COL5A2: variants seen among roughly 807,000 people sequenced by gnomAD.
COL5A2 encodes the protein collagen type V alpha 2 chain, also known as collagen alpha-2(V) chain.
COL5A2 carries 23 observed loss-of-function variants against 208.2 expected under a neutral mutation model. That is an observed-to-expected ratio of 0.11 (90% CI 0.08 to 0.16). The LOEUF (loss-of-function observed/expected upper bound fraction) is 0.16. Ranked by LOEUF, COL5A2 falls within the 10% of genes least tolerant of loss-of-function variation. COL5A2 has a pLI of 1.00. For missense variants in COL5A2, 1,590 were observed against 1,956.4 expected (o/e 0.81, Z 3.53); for synonymous variants, 625 against 628.5 (o/e 0.99, Z 0.08).
At chr2:189,366,866 T>C in the COL5A2 span, among the ~76,000 whole-genome samples, 7 of 152,180 alleles carry the variant, frequency 4.6e-5, no homozygotes, top group African/African-American at 1.4e-4. Context: ...AATTATATCA[T>C]TGTCACGACT....
chr2:189,088,037 G>A (rs1050359114), intron 8 of COL5A2, among the ~76,000 whole-genome samples: 2 of 152,130 alleles, frequency 1.3e-5, no homozygotes, highest in African/African-American at 4.8e-5. Context: ...GTCTGATTTT[G>A]CACTTCTTAT....
chr2:189,321,764 T>C, the COL5A2 span, among the ~76,000 whole-genome samples: 1 of 152,182 alleles, frequency 6.6e-6, no homozygotes, highest in Admixed American at 6.5e-5. Context: ...ATTAGACAGA[T>C]CAATGAGACA....
At chr2:189,432,890 G>A in the COL5A2 span, among the ~76,000 whole-genome samples, 17 of 152,106 alleles carry the variant, frequency 1.1e-4, no homozygotes, top group Non-Finnish European at 1.8e-4. Flanking sequence ...TATTCTCTGC[G>A]CCACATCGCC....
At chr2:189,384,371 A>C in the COL5A2 span, among the ~76,000 whole-genome samples, 1 of 152,164 alleles carries the variant, frequency 6.6e-6, no homozygotes, top group Non-Finnish European at 1.5e-5. Flanking sequence ...TATTCTCACT[A>C]ATAGTGTATA....
At position 189,066,242 on chromosome 2, in the gene COL5A2, G is replaced by C. The variant is rs73978823; in HGVS notation, c.1563+148C>G. 1.6e-5 allele frequency: 13 copies of C among 795,744 alleles called. No homozygotes were observed. In the African/African-American group the frequency reaches 2.0e-4, roughly 12 times the overall value. 49.3% of individuals were successfully genotyped at this position (795,744 alleles called of 1,614,324 possible). On this transcript the variant is annotated intron_variant, in intron 23 of 53. Transcript: ENST00000374866. ...TGTATGAATAATGATTAGTCAGTTG[G>C]CTCTTTCTATTTGCACATAACTGTA...
the COL5A2 span, among the ~76,000 whole-genome samples, chr2:189,237,403 C>A: frequency 4.7e-5 from 7 of 148,772 alleles, no homozygotes; most frequent in African/African-American, 2.5e-5. Context: ...ACAATAACAG[C>A]AAAAAAAAAG....
At chr2:189,319,546 G>A in the COL5A2 span, among the ~76,000 whole-genome samples, 2 of 152,226 alleles carry the variant, frequency 1.3e-5, no homozygotes, top group Non-Finnish European at 1.5e-5. Context: ...AGGGTCCCAC[G>A]CCCACGGAGC....
At chr2:189,243,055 C>A in the COL5A2 span, among the ~76,000 whole-genome samples, 1 of 151,990 alleles carries the variant, frequency 6.6e-6, no homozygotes, top group Non-Finnish European at 1.5e-5. Flanking sequence ...CTGAATGGAC[C>A]AAGAAAATAT....
chr2:189,178,776 A>G (rs2105830202), intron 1 of COL5A2, among the ~76,000 whole-genome samples: 1 of 151,652 alleles, frequency 6.6e-6, no homozygotes, highest in Non-Finnish European at 1.5e-5. Flanking sequence ...CATGCCAAAT[A>G]AGATATATAC....
chr2:189,436,573 T>C, the COL5A2 span, among the ~76,000 whole-genome samples: 4 of 152,068 alleles, frequency 2.6e-5, no homozygotes, highest in Non-Finnish European at 5.9e-5. Flanking sequence ...TAGCACTATT[T>C]AAAATACTGA....
At chr2:189,212,089 T>C (rs1052092341) in intron 1 of COL5A2, among the ~76,000 whole-genome samples, 1 of 152,172 alleles carries the variant, frequency 6.6e-6, no homozygotes, top group Non-Finnish European at 1.5e-5. Flanking sequence ...ATTTTATCAC[T>C]TACGTTGTTT....
In COL5A2 at chr2:189,041,538, G is replaced by A. The variant is rs188303174; in HGVS notation, c.3633+48C>T. ...CAGACATTTCTTGGACGGAATCTGAGCTATTGAATAAATAGCATTTCTTGC... is the reference window on the plus strand; with the variant it reads ...CAGACATTTCTTGGACGGAATCTGAACTATTGAATAAATAGCATTTCTTGC... On this transcript the variant is annotated intron_variant, in intron 50 of 53. Transcript: ENST00000374866. 63 of 1,394,850 alleles carry A rather than the reference G, an allele frequency of 4.5e-5. 1 individual carries two copies. In the African/African-American group the frequency reaches 5.8e-4, roughly 13 times the overall value. 86.4% of individuals were successfully genotyped at this position (1,394,850 alleles called of 1,614,324 possible). A position where few individuals can be genotyped will look rare whatever the true frequency, so the allele number is the denominator to read the frequency against.
At position 189,197,310 on chromosome 2, in the gene COL5A2, C is replaced by A. The variant is rs143631869; in HGVS notation, c.-42+27838G>T. 5.9e-3 allele frequency among the ~76,000 whole-genome samples: 897 copies of A among 152,114 alleles called. 15 individuals are homozygous for A. Among genetic ancestry groups the A allele is most frequent in the African/African-American group, 0.019 (797 of 41,516 alleles). On this transcript the variant is annotated intron_variant, in intron 1 of 10. Transcript: ENST00000649966. ...GGTTGGGGTGCGATGGGAGAGAGAG[C>A]ATTAGGACAAATAGCTAATGCATGT...
chr2:189,042,525 G>A (rs1685582515), intron 49 of COL5A2, among the ~76,000 whole-genome samples, 195 bp downstream of exon 49: 2 of 152,094 alleles, frequency 1.3e-5, no homozygotes, highest in African/African-American at 2.4e-5. Context: ...GGCCCATGAG[G>A]TAATATATCA....
chr2:189,043,215 C>A lies in COL5A2; in HGVS notation c.3407G>T (p.Arg1136Leu), dbSNP rs562950263. Reference sequence around the variant, plus strand: ...GTGGCCCTTCTGACCTCTGTCACCTCGGTCTCCATGATCACCTTTGTCACC... The same window carrying A: ...GTGGCCCTTCTGACCTCTGTCACCTAGGTCTCCATGATCACCTTTGTCACC... ...PRGDKGDHGDRGDRGQKGHRG... is the reference protein window; with the variant it reads ...PRGDKGDHGDLGDRGQKGHRG... Residue 1136 changes from arginine (R) to leucine (L), a missense_variant, in exon 48 of 54, where the codon CGA becomes CTA. Physicochemically the swap from Arg to Leu is moderately radical, Grantham distance 102 (BLOSUM62 -2). Coordinates refer to ENST00000374866, the MANE Select transcript of COL5A2 (RefSeq NM_000393.5). The A allele has an allele frequency of 1.5e-5, 24 of 1,613,772 alleles. 1 individual carries two copies.
chr2:189,258,198 A>T, the COL5A2 span, among the ~76,000 whole-genome samples: 1 of 152,192 alleles, frequency 6.6e-6, no homozygotes, highest in Non-Finnish European at 1.5e-5. Context: ...CGTGAAAATC[A>T]GTTCTGTTGG....
At chr2:189,316,100 C>T in the COL5A2 span, among the ~76,000 whole-genome samples, 1 of 152,114 alleles carries the variant, frequency 6.6e-6, no homozygotes, top group Non-Finnish European at 1.5e-5. Context: ...CTCAGCAATT[C>T]CATTACTTGC....
At chr2:189,277,865 T>C in the COL5A2 span, among the ~76,000 whole-genome samples, 1 of 152,146 alleles carries the variant, frequency 6.6e-6, no homozygotes, top group Non-Finnish European at 1.5e-5. Flanking sequence ...CATTTGGGTT[T>C]GGAGTCAGGG....
At chr2:189,273,958 C>T in the COL5A2 span, among the ~76,000 whole-genome samples, 122,778 of 151,748 alleles carry the variant, frequency 0.81, 50,981 homozygotes, top group Non-Finnish European at 0.91. Flanking sequence ...TTATTAGCTA[C>T]GTATTGTATA....
Sources: gnomAD v4.1 joint callset for allele counts (sites outside exome capture counted in the v4.1 genomes callset) on GRCh38, gnomAD v4.1.1 for gene constraint, MANE v1.5 for transcripts, NCBI Gene and HGNC (gene_info 2026-07-23, HGNC 2026-07-21) for gene names.